BMPR1A: variants seen among roughly 807,000 people sequenced by gnomAD.
BMPR1A encodes bone morphogenetic protein receptor type-1A.
Under a neutral mutation model 66.0 loss-of-function variants are expected in BMPR1A, and 7 were observed. That is an observed-to-expected ratio of 0.11 (90% confidence interval 0.06 to 0.20). The LOEUF is 0.20. Among genes scored for constraint, BMPR1A ranks in the 10% least tolerant of loss-of-function variants. The pLI is 1.00. For synonymous variants in BMPR1A, 200 were observed against 229.7 expected (o/e 0.87, Z 1.17); for missense variants, 408 against 669.1 (o/e 0.61, Z 4.31).
intron 1 of BMPR1A, among the ~76,000 whole-genome samples, chr10:86,782,294 G>A (rs1841449089): frequency 6.6e-6 from 1 of 152,182 alleles, no homozygotes; most frequent in African/African-American, 2.4e-5. Flanking sequence ...CAGTGGACAA[G>A]AGTATGTAAA....
At chr10:86,912,675 A>G (rs571595445) in intron 8 of BMPR1A, among the ~76,000 whole-genome samples, 25 of 152,372 alleles carry the variant, frequency 1.6e-4, no homozygotes, top group African/African-American at 6.0e-4. Flanking sequence ...ATGAAAGGCA[A>G]GAGTTAGCTC....
chr10:86,886,960 A>C (rs909647981), intron 3 of BMPR1A, among the ~76,000 whole-genome samples: 2 of 150,438 alleles, frequency 1.3e-5, no homozygotes, highest in Admixed American at 6.7e-5. Flanking sequence ...CCACCTGAAT[A>C]CTGGGATTAC....
intron 2 of BMPR1A, among the ~76,000 whole-genome samples, chr10:86,868,778 G>GTTTTTTTTTTTTT (rs55872033): frequency 0.029 from 4,083 of 139,852 alleles, 84 homozygotes; most frequent in South Asian, 0.044. Context: ...CTTTTCCTGT[G>GTTTTTTTTTTTTT]TTTTTTTTTT....
chr10:86,914,419 T>C (rs1313445789), intron 8 of BMPR1A, among the ~76,000 whole-genome samples: 1 of 152,194 alleles, frequency 6.6e-6, no homozygotes, highest in African/African-American at 2.4e-5. Flanking sequence ...AATTTAAAAC[T>C]TCTGCTATTT....
At chr10:86,846,598 G>A (rs1029708906) in intron 2 of BMPR1A, among the ~76,000 whole-genome samples, 4 of 152,226 alleles carry the variant, frequency 2.6e-5, no homozygotes, top group African/African-American at 9.6e-5. Context: ...CTACTCGGGA[G>A]GCTGAGGCAG....
At chr10:86,773,177 G>T (rs1841291878) in intron 1 of BMPR1A, among the ~76,000 whole-genome samples, 4 of 116,538 alleles carry the variant, frequency 3.4e-5, no homozygotes, top group African/African-American at 7.6e-5. Flanking sequence ...CTCAGCTTTT[G>T]CCACTTTTAA....
intron 2 of BMPR1A, among the ~76,000 whole-genome samples, chr10:86,868,701 G>GC (rs1842815154): frequency 6.6e-6 from 1 of 152,020 alleles, no homozygotes; most frequent in Non-Finnish European, 1.5e-5. Flanking sequence ...AATCAACGGT[G>GC]GGGGGCTTAA....
At chr10:86,807,395 A>G (rs547076094) in intron 1 of BMPR1A, among the ~76,000 whole-genome samples, 69 of 152,212 alleles carry the variant, frequency 4.5e-4, no homozygotes, top group Admixed American at 7.8e-4. Flanking sequence ...TTACTTGTTT[A>G]TCTGACACAG....
At chr10:86,820,664 A>G (rs997636225) in intron 1 of BMPR1A, among the ~76,000 whole-genome samples, 1 of 152,148 alleles carries the variant, frequency 6.6e-6, no homozygotes, top group African/African-American at 2.4e-5. Flanking sequence ...CCTCAGAGCT[A>G]TGTACCGTGC....
chr10:86,892,257 C>G lies in BMPR1A; in HGVS notation c.333+28C>G, dbSNP rs192599431. 7.3e-5 allele frequency: 115 copies of G among 1,567,974 alleles called. No individual in the cohort carries two copies. The African/African-American group carries it at 1.4e-3, about 19-fold the overall frequency. On this transcript the variant is annotated intron_variant, in intron 5 of 12. Transcript: ENST00000372037. Reference sequence around the variant, plus strand: ...AAGATATAATTTGGGACCCATGAGACAAAGAAGGGAGGGGCCATATGAAAG... The same window carrying G: ...AAGATATAATTTGGGACCCATGAGAGAAAGAAGGGAGGGGCCATATGAAAG...
At chr10:86,813,668 G>A (rs1841999092) in intron 1 of BMPR1A, among the ~76,000 whole-genome samples, 1 of 152,096 alleles carries the variant, frequency 6.6e-6, no homozygotes, top group Non-Finnish European at 1.5e-5. Flanking sequence ...TCCCTGTGCA[G>A]TTGTCTTCCA....
intron 1 of BMPR1A, among the ~76,000 whole-genome samples, chr10:86,769,003 T>C (rs1226265474): frequency 2.0e-5 from 3 of 152,250 alleles, no homozygotes; most frequent in Non-Finnish European, 4.4e-5. Flanking sequence ...GACAGTTCTA[T>C]CTTAAAATGC....
At chr10:86,831,634 C>G (rs1157864500) in intron 1 of BMPR1A, among the ~76,000 whole-genome samples, 1 of 152,172 alleles carries the variant, frequency 6.6e-6, no homozygotes, top group Non-Finnish European at 1.5e-5. Context: ...CTTGTTGGCA[C>G]TTGCCTGTAG....
chr10:86,838,386 A>G (rs1842380417), intron 1 of BMPR1A, among the ~76,000 whole-genome samples: 1 of 152,172 alleles, frequency 6.6e-6, no homozygotes, highest in Admixed American at 6.5e-5. Flanking sequence ...TAATTCTTCA[A>G]CCTCACAAGT....
At chr10:86,931,298 C>CATATATATATATATATATATATATAT (rs1175375580), downstream of BMPR1A, 1 of 90,868 alleles carries the variant, frequency 1.1e-5, no homozygotes, top group African/African-American at 7.1e-5. Flanking sequence ...CACACACACA[C>CATATATATATATATATATATATATAT]ATATATATAT....
intron 1 of BMPR1A, among the ~76,000 whole-genome samples, chr10:86,803,177 C>T (rs1304023993): frequency 6.6e-6 from 1 of 152,022 alleles, no homozygotes; most frequent in East Asian, 1.9e-4. Flanking sequence ...TTCTAAAGCA[C>T]AACATAATTG....
chr10:86,764,211 G>T (rs1841126603), intron 1 of BMPR1A, among the ~76,000 whole-genome samples: 1 of 151,972 alleles, frequency 6.6e-6, no homozygotes, highest in Non-Finnish European at 1.5e-5. Context: ...TTTTAAATTT[G>T]TATATAAGAA....
chr10:86,776,339 C>T (rs1199031926), intron 1 of BMPR1A, among the ~76,000 whole-genome samples: 5 of 152,148 alleles, frequency 3.3e-5, no homozygotes. Flanking sequence ...ATTACAAAGT[C>T]ACAGGTGTTG....
intron 2 of BMPR1A, among the ~76,000 whole-genome samples, chr10:86,850,844 T>C (rs2133179787): frequency 6.6e-6 from 1 of 152,270 alleles, no homozygotes; most frequent in East Asian, 1.9e-4. Flanking sequence ...AGACAGCCCT[T>C]ATATGTTCAG....
Sources: allele counts gnomAD v4.1 joint callset (sites outside exome capture counted in the v4.1 genomes callset), GRCh38; gene constraint gnomAD v4.1.1; transcripts MANE v1.5; gene names NCBI Gene and HGNC (gene_info 2026-07-23, HGNC 2026-07-21).